PDE4B: variants seen among roughly 807,000 people sequenced by gnomAD.
PDE4B encodes 3',5'-cyclic-AMP phosphodiesterase 4B.
A neutral mutation model predicts 82.2 loss-of-function variants in PDE4B; 20 were observed. The ratio of observed to expected loss-of-function variants is 0.24; its 90% CI spans 0.17 to 0.35. PDE4B has a LOEUF of 0.35. Among genes scored for constraint, PDE4B ranks in the 10% least tolerant of loss-of-function variants. The pLI is 1.00. For synonymous variants in PDE4B, 320 were observed against 318.9 expected (o/e 1.00, Z -0.04); for missense variants, 655 against 907.2 (o/e 0.72, Z 3.57).
chr1:66,183,459 C>T (rs1261023335), intron 3 of PDE4B, among the ~76,000 whole-genome samples: 1 of 152,130 alleles, frequency 6.6e-6, no homozygotes, highest in Non-Finnish European at 1.5e-5. Context: ...GAATGTTCTC[C>T]TTTTCCCCTC....
intron 3 of PDE4B, among the ~76,000 whole-genome samples, chr1:66,040,895 A>G (rs1654331740): frequency 6.6e-6 from 1 of 151,914 alleles, no homozygotes; most frequent in South Asian, 2.1e-4. Flanking sequence ...GGAAGTAGGA[A>G]AGACAAAATC....
At chr1:66,087,576 A>G (rs12122239) in intron 3 of PDE4B, among the ~76,000 whole-genome samples, 35,814 of 151,934 alleles carry the variant, frequency 0.24, 4,896 homozygotes, top group Middle Eastern at 0.37. Flanking sequence ...GACCATGCCT[A>G]TGTCCTGAAT....
chr1:66,145,893 T>C (rs1646258553), intron 3 of PDE4B, among the ~76,000 whole-genome samples: 1 of 152,208 alleles, frequency 6.6e-6, no homozygotes, highest in African/African-American at 2.4e-5. Flanking sequence ...GCCCTGATGT[T>C]GAATAATGAT....
chr1:66,212,286 T>C (rs1234313132), intron 3 of PDE4B, among the ~76,000 whole-genome samples: 3 of 152,254 alleles, frequency 2.0e-5, no homozygotes, highest in Non-Finnish European at 4.4e-5. Context: ...CCAATGGGCC[T>C]GACCCTCCAT....
intron 7 of PDE4B, among the ~76,000 whole-genome samples, chr1:66,317,568 G>GT (rs146461628): frequency 9.1e-4 from 134 of 147,096 alleles, no homozygotes; most frequent in African/African-American, 1.8e-3. Flanking sequence ...AAGAAAAACT[G>GT]TTTTTTTTTT....
intron 3 of PDE4B, among the ~76,000 whole-genome samples, chr1:65,972,666 G>T (rs1650205223): frequency 6.6e-6 from 1 of 152,088 alleles, no homozygotes; most frequent in South Asian, 2.1e-4. Flanking sequence ...GACTAGAAAT[G>T]GAGGAAAATG....
Position 66,363,158 on chromosome 1 carries a change from T to G in PDE4B, c.1021-10T>G, listed in dbSNP as rs1341376155. The G allele has an allele frequency of 1.3e-6, 2 of 1,569,872 alleles. No homozygotes were observed. Among genetic ancestry groups the G allele is most frequent in the Non-Finnish European group, 1.7e-6 (2 of 1,150,000 alleles). Reference sequence around the variant, plus strand: ...CTTATTCCTAAATTCCTTTAAATTTTTAATTATAGGAGCTGGAAGACCTGA... The same window carrying G: ...CTTATTCCTAAATTCCTTTAAATTTGTAATTATAGGAGCTGGAAGACCTGA... On this transcript the variant is annotated splice_polypyrimidine_tract_variant and intron_variant, in intron 10 of 16. Coordinates refer to ENST00000341517, the MANE Select transcript of PDE4B (RefSeq NM_002600.4).
chr1:66,284,487 A>T (rs551641021), intron 7 of PDE4B, among the ~76,000 whole-genome samples: 6 of 152,154 alleles, frequency 3.9e-5, no homozygotes, highest in Non-Finnish European at 7.4e-5. Flanking sequence ...AAGAGGGCAG[A>T]CCATGCTCAA....
intron 3 of PDE4B, among the ~76,000 whole-genome samples, chr1:66,005,299 A>AC (rs11386684): frequency 0.98 from 149,299 of 152,198 alleles, 73,282 homozygotes; most frequent in Middle Eastern, 1. Context: ...TATCACTTTT[A>AC]GCTTCCTGCA....
chr1:66,358,582 G>T (rs745528221), intron 9 of PDE4B, among the ~76,000 whole-genome samples: 1 of 150,380 alleles, frequency 6.6e-6, no homozygotes, highest in Non-Finnish European at 1.5e-5. Context: ...GCTGAGGCAG[G>T]AGAATCACTT....
chr1:66,207,198 C>T (rs1035066526), intron 3 of PDE4B, among the ~76,000 whole-genome samples: 1 of 152,104 alleles, frequency 6.6e-6, no homozygotes, highest in African/African-American at 2.4e-5. Context: ...TATACTCATG[C>T]TGTTTCTTTA....
intron 1 of PDE4B, among the ~76,000 whole-genome samples, chr1:65,799,752 G>T (rs1024244185): frequency 2.6e-5 from 4 of 152,174 alleles, no homozygotes; most frequent in African/African-American, 9.7e-5. Context: ...GTGGCAGTAG[G>T]TGAGAAGGAT....
rs879339996 is a variant in PDE4B, at chr1:65,858,641, CATCT to C, written c.-70-54599_-70-54596del. 8.5e-5 allele frequency among the ~76,000 whole-genome samples: 13 copies of C among 152,244 alleles called. No individual in the cohort carries two copies. The East Asian group carries it at 2.5e-3, about 29-fold the overall frequency. ...TTTAGACTTAATTTTATAGTTTTTT[CATCT>C]ATCTTTTATACAACATTTTGGCCCT... is the stretch of plus-strand genomic sequence containing the variant. On this transcript the variant is annotated intron_variant, in intron 1 of 16. Coordinates refer to ENST00000341517, the MANE Select transcript of PDE4B (RefSeq NM_002600.4).
At chr1:66,145,146 T>C (rs868588689) in intron 3 of PDE4B, among the ~76,000 whole-genome samples, 1 of 152,266 alleles carries the variant, frequency 6.6e-6, no homozygotes, top group African/African-American at 2.4e-5. Context: ...CAAACATTAT[T>C]GATCACCCCC....
At chr1:65,872,412 A>C (rs1399124969) in intron 1 of PDE4B, among the ~76,000 whole-genome samples, 3 of 152,192 alleles carry the variant, frequency 2.0e-5, no homozygotes, top group Admixed American at 1.3e-4. Flanking sequence ...GGTAGGGTCC[A>C]TGTTTCAGTT....
chr1:66,170,045 A>G (rs1225950076), intron 3 of PDE4B, among the ~76,000 whole-genome samples: 1 of 152,190 alleles, frequency 6.6e-6, no homozygotes, highest in African/African-American at 2.4e-5. Context: ...AAGGACAAAG[A>G]GTTAAGTAAT....
chr1:65,837,655 T>A (rs1419055389), intron 1 of PDE4B, among the ~76,000 whole-genome samples: 3 of 152,174 alleles, frequency 2.0e-5, no homozygotes, highest in Non-Finnish European at 4.4e-5. Flanking sequence ...GCATCTTCAG[T>A]AACTTGAGAA....
In PDE4B at chr1:66,317,695, G is replaced by A. The variant is rs557938706; in HGVS notation, c.635-14813G>A. On this transcript the variant is annotated intron_variant, in intron 7 of 16. Transcript: ENST00000341517. The stretch of plus-strand genomic sequence containing the variant: ...CAGGCTCACTTGAGCCCAGGAGTTC[G>A]AGACCGGCCTGAGCAACACAGCAAG... 2.6e-4 allele frequency among the ~76,000 whole-genome samples: 40 copies of A among 152,124 alleles called. No homozygotes were observed. In the Middle Eastern group the frequency reaches 0.01, roughly 39 times the overall value.
intron 7 of PDE4B, among the ~76,000 whole-genome samples, chr1:66,288,812 G>A (rs1045041241): frequency 2.0e-5 from 3 of 152,124 alleles, no homozygotes; most frequent in Admixed American, 6.6e-5. Context: ...CTGGAGGAAA[G>A]AAGGATCAGG....
Sources: gnomAD v4.1 joint callset for allele counts (sites outside exome capture counted in the v4.1 genomes callset) on GRCh38, gnomAD v4.1.1 for gene constraint, MANE v1.5 for transcripts, NCBI Gene and HGNC (gene_info 2026-07-23, HGNC 2026-07-21) for gene names.